Variants in MAN2A2 observed in about 807,000 individuals in gnomAD.
MAN2A2 encodes the protein mannosidase alpha class 2A member 2.
A neutral mutation model predicts 126.8 loss-of-function variants in MAN2A2; 79 were observed. The ratio of observed to expected loss-of-function variants is 0.62; its 90% CI spans 0.52 to 0.75. The LOEUF (loss-of-function observed/expected upper bound fraction) is 0.75. Ranked by LOEUF, MAN2A2 falls within the 30% of genes least tolerant of loss-of-function variation. The pLI is 0.00. For synonymous variants in MAN2A2, 671 were observed against 618.7 expected (o/e 1.08, Z -1.25); for missense variants, 1,392 against 1,522.4 (o/e 0.91, Z 1.43).
At position 90,906,505 on chromosome 15, in the gene MAN2A2, C is replaced by T. The variant is rs750856238; in HGVS notation, c.835+8C>T. 8.7e-6 allele frequency: 14 copies of T among 1,613,986 alleles called. No homozygotes were observed. The highest frequency in any genetic ancestry group is 1.7e-5 in the Admixed American group (1 of 60,006). ...GGCTGGAGAGAAATCTTGGTAAGTC[C>T]AGGCCCAGGCATGGGGGTCTGCCCC... On this transcript the variant is annotated splice_region_variant and intron_variant, in intron 6 of 22. Transcript: ENST00000559717.
chr15:90,914,153 A>C (rs974327622), intron 19 of MAN2A2, among the ~76,000 whole-genome samples: 10 of 152,220 alleles, frequency 6.6e-5, no homozygotes, highest in African/African-American at 2.4e-4. Flanking sequence ...ACAAAGCGAG[A>C]CCCAGGCTCT....
rs1400871985 is a variant in MAN2A2, at chr15:90,913,744, G to T, written c.2849G>T (p.Ser950Ile). Reference sequence around the variant, plus strand: ...ACTGCCCAGGCCCTGGGTGTCTCTAGCCTCAAAGATGGTGAGTAGGGCCCA... The same window carrying T: ...ACTGCCCAGGCCCTGGGTGTCTCTATCCTCAAAGATGGTGAGTAGGGCCCA... Reference protein sequence around the residue: ...LHTAQALGVSSLKDGQLEVIL... With the variant: ...LHTAQALGVSILKDGQLEVIL... Residue 950 changes from serine (S) to isoleucine (I), a missense_variant, in exon 19 of 23, where the codon AGC (serine) becomes ATC (isoleucine). Physicochemically the swap from Ser to Ile is moderately radical, Grantham distance 142 (BLOSUM62 -2). Transcript: ENST00000559717. 6.3e-7 allele frequency: 1 copy of T among 1,595,198 alleles called. No individual in the cohort carries two copies. Among genetic ancestry groups the T allele is most frequent in the East Asian group, 2.3e-5 (1 of 44,310 alleles).
chr15:90,913,343 C>A lies in MAN2A2; in HGVS notation c.2655C>A (p.Ala885=). ...DIRDYVNKEL[A]LHIHTDIDSQ... ...GGGACTACGTCAACAAGGAGCTGGC[C>A]CTGCACATCCATACAGACATCGACA... The change falls in exon 18 of 23, where the codon GCC becomes GCA. Residue 885 remains alanine (A), a synonymous_variant. Coordinates refer to ENST00000559717, the MANE Select transcript of MAN2A2 (RefSeq NM_006122.4). 6.2e-7 allele frequency: 1 copy of A among 1,611,124 alleles called. No individual in the cohort carries two copies. Among genetic ancestry groups the A allele is most frequent in the Non-Finnish European group, 8.5e-7 (1 of 1,177,306 alleles).
chr15:90,917,425 C>T (rs561956097), intron 20 of MAN2A2, among the ~76,000 whole-genome samples: 3 of 152,196 alleles, frequency 2.0e-5, no homozygotes, highest in Non-Finnish European at 2.9e-5. Context: ...CAGCATGTCA[C>T]GCTGACAGTA....
Position 90,907,338 on chromosome 15 carries a change from C to T in MAN2A2, c.1039C>T (p.His347Tyr). The part of the protein sequence containing the change: ...DSDSSTDIFC[H>Y]MMPFYSYDVP... The stretch of plus-strand genomic sequence containing the variant: ...GGACTCCAGCACAGACATCTTCTGT[C>T]ACATGATGCCCTTCTACAGCTATGA... The change falls in exon 8 of 23, where the codon CAC becomes TAC. Residue 347 changes from histidine (H) to tyrosine (Y), a missense_variant. Physicochemically the swap from His to Tyr is moderately conservative, Grantham distance 83 (BLOSUM62 2). Transcript: ENST00000559717. 1 of 1,614,068 alleles carries T rather than the reference C, an allele frequency of 6.2e-7. No homozygotes were observed. Among genetic ancestry groups the T allele is most frequent in the Non-Finnish European group, 8.5e-7 (1 of 1,179,940 alleles).
At position 90,909,444 on chromosome 15, in the gene MAN2A2, GTTCTTCAA is replaced by G. The variant is rs1316007919; in HGVS notation, c.1315_1322del (p.Phe439LeufsTer6). The G allele has an allele frequency of 1.2e-6, 2 of 1,614,114 alleles. No individual in the cohort carries two copies. The highest frequency in any genetic ancestry group is 1.7e-6 in the Non-Finnish European group (2 of 1,179,992). The stretch of plus-strand genomic sequence containing the variant: ...ACAAGCCCCAGGAGTGGGATGCCCA[GTTCTTCAA>G]CTACCAACGGCTCTTTGACTTCTTC... On this transcript the variant is annotated frameshift_variant, in exon 9 of 23. Coordinates refer to ENST00000559717, the MANE Select transcript of MAN2A2 (RefSeq NM_006122.4). LOFTEE classifies it high-confidence loss of function.
Position 90,910,660 on chromosome 15 carries a change from T to C in MAN2A2, c.1737T>C (p.Ala579=), listed in dbSNP as rs2034654010. ...HDAITGTAKE[A]VVVDYGVRLL... Reference sequence around the variant, plus strand: ...CCATCACTGGCACGGCCAAGGAGGCTGTGGTGGTGGACTATGGGGTCAGGT... The same window carrying C: ...CCATCACTGGCACGGCCAAGGAGGCCGTGGTGGTGGACTATGGGGTCAGGT... Residue 579 remains alanine, a synonymous_variant, in exon 11 of 23, where the codon GCT becomes GCC. Coordinates refer to ENST00000559717, the MANE Select transcript of MAN2A2 (RefSeq NM_006122.4). 6.2e-7 allele frequency: 1 copy of C among 1,613,968 alleles called. No individual in the cohort carries two copies. The highest frequency in any genetic ancestry group is 1.3e-5 in the African/African-American group (1 of 74,912).
chr15:90,916,008 T>C, intron 19 of MAN2A2, 115 bp from the exon 20 acceptor site: 1 of 1,224,180 alleles, frequency 8.2e-7, no homozygotes, highest in South Asian at 1.4e-5. Flanking sequence ...TGACTCAGCT[T>C]CTGTCTCTCG....
intron 19 of MAN2A2, 71 bp from the exon 20 acceptor site, chr15:90,916,052 G>C (rs2035148873): frequency 1.3e-6 from 2 of 1,544,562 alleles, no homozygotes; most frequent in East Asian, 2.3e-5. Context: ...TGTGGCTTGG[G>C]ATTCTCCTTT....
At position 90,907,313 on chromosome 15, in the gene MAN2A2, G is replaced by T. The variant is rs759624755; in HGVS notation, c.1014G>T (p.Ser338=). 1.2e-6 allele frequency: 2 copies of T among 1,612,984 alleles called. No individual in the cohort carries two copies. The highest frequency in any genetic ancestry group is 2.2e-5 in the East Asian group (1 of 44,874). Residue 338 remains serine (S), a synonymous_variant, in exon 8 of 23, where the codon TCG becomes TCT. Transcript: ENST00000559717. ...LEFMWRQTWD[S]DSSTDIFCHM... is the part of the protein sequence containing the mutation. ...CACGTGGTGTGTCTCCTGCAGACTC[G>T]GACTCCAGCACAGACATCTTCTGTC...
intron 20 of MAN2A2, 44 bp from the exon 21 acceptor site, chr15:90,918,150 G>A (rs761245967): frequency 7.0e-6 from 11 of 1,574,768 alleles, no homozygotes; most frequent in Non-Finnish European, 9.6e-6. Flanking sequence ...TCTCCCCTCA[G>A]CCTGGCTTTG....
In MAN2A2 at chr15:90,905,479, G is replaced by C. The variant is rs762704894; in HGVS notation, c.361G>C (p.Gly121Arg). 3 of 1,614,016 alleles carry C rather than the reference G, an allele frequency of 1.9e-6. No homozygotes were observed. The highest frequency in any genetic ancestry group is 2.2e-5 in the East Asian group (1 of 44,884). ...ISPQDCQFAL[G>R]GRGQKPELQM... ...CCCGCAGGACTGCCAGTTTGCTTTG[G>C]GGGGCCGGGGTCAGAAGCCAGAGCT... Residue 121 changes from glycine to arginine, a missense_variant, in exon 3 of 23, where the codon GGG becomes CGG. Transcript: ENST00000559717.
chr15:90,914,020 T>G (rs1436312462), intron 19 of MAN2A2, among the ~76,000 whole-genome samples: 1 of 152,062 alleles, frequency 6.6e-6, no homozygotes, highest in East Asian at 1.9e-4. Context: ...TTACAACTCT[T>G]GGGGCCAAAG....
chr15:90,907,229 C>T, intron 7 of MAN2A2, 80 bp from the exon 8 acceptor site: 1 of 1,426,444 alleles, frequency 7.0e-7, no homozygotes, highest in Non-Finnish European at 9.7e-7. Flanking sequence ...TCAGGGCTGC[C>T]TTTAGCCTGA....
intron 15 of MAN2A2, 110 bp downstream of exon 15, chr15:90,912,389 C>A (rs1267048492): frequency 6.4e-7 from 1 of 1,556,540 alleles, no homozygotes; most frequent in East Asian, 2.2e-5. Context: ...CCACCTGACC[C>A]ACAGTGGACC....
At chr15:90,919,281 C>T (rs571998862) in intron 22 of MAN2A2, among the ~76,000 whole-genome samples, 149 of 152,348 alleles carry the variant, frequency 9.8e-4, no homozygotes, top group Non-Finnish European at 1.8e-3. Context: ...AGGGGCCAGC[C>T]GGAACTGGAG....
chr15:90,907,295 T>G lies in MAN2A2; in HGVS notation c.1010-14T>G. 6.2e-7 allele frequency: 1 copy of G among 1,609,936 alleles called. No individual in the cohort carries two copies. The highest frequency in any genetic ancestry group is 8.5e-7 in the Non-Finnish European group (1 of 1,176,946). ...CTGCCTGCTGGTGGTGACCACGTGG[T>G]GTGTCTCCTGCAGACTCGGACTCCA... On this transcript the variant is annotated splice_polypyrimidine_tract_variant and intron_variant, in intron 7 of 22. Transcript: ENST00000559717.
chr15:90,911,664 G>A, intron 14 of MAN2A2, 114 bp downstream of exon 14: 1 of 1,203,438 alleles, frequency 8.3e-7, no homozygotes, highest in Non-Finnish European at 1.1e-6. Flanking sequence ...TCTCCAGGCT[G>A]AGGACAAGTG....
chr15:90,913,884 G>A, intron 19 of MAN2A2, 129 bp downstream of exon 19: 2 of 1,244,264 alleles, frequency 1.6e-6, no homozygotes, highest in South Asian at 3.2e-5. Flanking sequence ...TGCTTGGAGA[G>A]GGGGCAAGCC....
Sources: allele counts gnomAD v4.1 joint callset (sites outside exome capture counted in the v4.1 genomes callset), GRCh38; gene constraint gnomAD v4.1.1; transcripts MANE v1.5; gene names NCBI Gene and HGNC (gene_info 2026-07-23, HGNC 2026-07-21).